SH3PXD2B: variants seen among roughly 807,000 people sequenced by gnomAD.
SH3PXD2B encodes SH3 and PX domains 2B.
In SH3PXD2B, 37 loss-of-function variants were observed where a neutral mutation model predicts 73.1. The ratio of observed to expected loss-of-function variants is 0.51; its 90% CI spans 0.39 to 0.67. The LOEUF (loss-of-function observed/expected upper bound fraction) is 0.67, where lower values mean the gene tolerates loss of function less well. Ranked by LOEUF, SH3PXD2B falls within the 30% of genes least tolerant of loss-of-function variation. SH3PXD2B has a pLI of 0.00. For synonymous variants in SH3PXD2B, 457 were observed against 480.5 expected, an observed-to-expected ratio of 0.95 and a Z score of 0.64; for missense variants, 1,053 against 1,197.8, an observed-to-expected ratio of 0.88 and a Z score of 1.78.
chr5:172,400,537 A>G (rs1165932710), intron 3 of SH3PXD2B, among the ~76,000 whole-genome samples: 2 of 152,174 alleles, frequency 1.3e-5, no homozygotes, highest in African/African-American at 4.8e-5. Context: ...GAACACCCAG[A>G]ACTTTGGAAA....
chr5:172,343,735 G>A (rs1184955614), intron 12 of SH3PXD2B, among the ~76,000 whole-genome samples: 1 of 152,074 alleles, frequency 6.6e-6, no homozygotes, highest in Non-Finnish European at 1.5e-5. Context: ...AACCTAGGAC[G>A]TGGAGGTTGC....
At chr5:172,450,813 C>A (rs1759778439) in intron 1 of SH3PXD2B, among the ~76,000 whole-genome samples, 1 of 152,146 alleles carries the variant, frequency 6.6e-6, no homozygotes, top group South Asian at 2.1e-4. Context: ...ATGTCACCCT[C>A]AAAAGCCCCT....
intron 4 of SH3PXD2B, among the ~76,000 whole-genome samples, chr5:172,391,180 C>T (rs753531568): frequency 2.6e-5 from 4 of 152,034 alleles, no homozygotes; most frequent in African/African-American, 4.8e-5. Context: ...ACTCTATGTT[C>T]TCACCATCAC....
intron 1 of SH3PXD2B, among the ~76,000 whole-genome samples, chr5:172,451,911 C>T (rs958657398): frequency 6.6e-6 from 1 of 152,178 alleles, no homozygotes; most frequent in East Asian, 1.9e-4. Context: ...GCCCATTGCC[C>T]CTCCTCATCT....
intron 8 of SH3PXD2B, among the ~76,000 whole-genome samples, chr5:172,355,121 C>T (rs1757241891): frequency 6.6e-6 from 1 of 152,238 alleles, no homozygotes. Flanking sequence ...TGGTTGAGTG[C>T]CTGAGCCAGC....
intron 6 of SH3PXD2B, among the ~76,000 whole-genome samples, chr5:172,366,290 G>C (rs1436803784): frequency 6.6e-6 from 1 of 152,188 alleles, no homozygotes; most frequent in Admixed American, 6.5e-5. Context: ...GGCCAGGGGA[G>C]GGGAGGGGAG....
At position 172,339,991 on chromosome 5, in the gene SH3PXD2B, T is replaced by C. The variant is rs900365740; in HGVS notation, c.1189-75A>G. 3 of 1,591,658 alleles carry C rather than the reference T, an allele frequency of 1.9e-6. No homozygotes were observed. The highest frequency in any genetic ancestry group is 1.1e-5 in the South Asian group (1 of 88,000). On this transcript the variant is annotated intron_variant, in intron 12 of 12. Coordinates refer to ENST00000311601, the MANE Select transcript of SH3PXD2B (RefSeq NM_001017995.3). The surrounding 1 kb of genome is among the most constrained non-coding windows in gnomAD (Gnocchi z 6.1). ...AGATGGAATGGTTTGGCAGAACCCA[T>C]GTGCAACTGGAGCTCTAGAAGCTGT...
intron 3 of SH3PXD2B, among the ~76,000 whole-genome samples, chr5:172,401,743 C>T (rs1250822527): frequency 1.3e-5 from 2 of 152,214 alleles, no homozygotes; most frequent in Non-Finnish European, 2.9e-5. Context: ...GTCTTTACTG[C>T]AATCTCTGAA....
intron 6 of SH3PXD2B, among the ~76,000 whole-genome samples, chr5:172,367,409 A>G (rs1453506833): frequency 7.1e-6 from 1 of 141,826 alleles, no homozygotes; most frequent in African/African-American, 2.7e-5. Flanking sequence ...TTTTTTTCAA[A>G]TAGATTTGGG....
chr5:172,325,190 A>T, exon 13 of SH3PXD2B: 1 of 894,762 alleles, frequency 1.1e-6, no homozygotes, highest in Non-Finnish European at 1.7e-6. Flanking sequence ...GTTTTGTATT[A>T]CGCATATTTT....
At chr5:172,328,567 T>G (rs1756488822), downstream of SH3PXD2B, among the ~76,000 whole-genome samples, 1 of 152,138 alleles carries the variant, frequency 6.6e-6, no homozygotes, top group African/African-American at 2.4e-5. Context: ...CAGAATTAAC[T>G]GAGAGAGTGG....
Position 172,345,073 on chromosome 5 carries a change from G to GGAAA in SH3PXD2B, c.1188+1062_1188+1063insTTTC, listed in dbSNP as rs1406551121. ...AAACAAAGGAAGGAGGAAGGAGGAA[G>GGAAA]GAAGGAGGGAGGGAAGGAAAGAAGG... is the stretch of plus-strand genomic sequence containing the variant. On this transcript the variant is annotated intron_variant, in intron 12 of 12. Coordinates refer to ENST00000311601, the MANE Select transcript of SH3PXD2B (RefSeq NM_001017995.3). Among the ~76,000 whole-genome samples the GGAAA allele has an allele frequency of 3.9e-3, 578 of 149,626 alleles. 21 individuals carry two copies. Among genetic ancestry groups the GGAAA allele is most frequent in the African/African-American group, 0.013 (539 of 40,200 alleles).
chr5:172,340,460 A>T (rs1756826762), intron 12 of SH3PXD2B, among the ~76,000 whole-genome samples: 1 of 152,108 alleles, frequency 6.6e-6, no homozygotes, highest in East Asian at 1.9e-4. Flanking sequence ...ATTCAGGTGG[A>T]TCAGAGGCAC....
intron 5 of SH3PXD2B, among the ~76,000 whole-genome samples, chr5:172,374,684 G>T (rs190706150): frequency 3.3e-4 from 50 of 152,218 alleles, no homozygotes; most frequent in African/African-American, 9.9e-4. Context: ...CCATCTTGGT[G>T]GGGGGAGTGG....
At chr5:172,340,550 G>T (rs555426532) in intron 12 of SH3PXD2B, among the ~76,000 whole-genome samples, 1 of 152,260 alleles carries the variant, frequency 6.6e-6, no homozygotes, top group East Asian at 1.9e-4. Flanking sequence ...CTGAGCATCG[G>T]ATGAAGAAGT....
chr5:172,411,093 A>G (rs1758680465), intron 2 of SH3PXD2B, among the ~76,000 whole-genome samples: 1 of 152,210 alleles, frequency 6.6e-6, no homozygotes, highest in South Asian at 2.1e-4. Context: ...CAGAGCCATT[A>G]ATCAGTCTCA....
At chr5:172,409,411 A>T (rs1758638463) in intron 2 of SH3PXD2B, among the ~76,000 whole-genome samples, 4 of 151,998 alleles carry the variant, frequency 2.6e-5, no homozygotes. Flanking sequence ...AAAACACTCA[A>T]AACACTAGAA....
At chr5:172,373,267 C>T (rs1449139778) in intron 6 of SH3PXD2B, among the ~76,000 whole-genome samples, 2 of 152,246 alleles carry the variant, frequency 1.3e-5, no homozygotes, top group South Asian at 2.1e-4. Flanking sequence ...CCCCTCAGCC[C>T]GGGATGCCCC....
intron 5 of SH3PXD2B, among the ~76,000 whole-genome samples, chr5:172,376,047 TGAG>T (rs1757815141): frequency 5.3e-5 from 8 of 150,442 alleles, no homozygotes; most frequent in Admixed American, 4.6e-4. Flanking sequence ...TTTTTTTTTT[TGAG>T]GTGGAGTCTC....
Sources: allele counts gnomAD v4.1 joint callset (sites outside exome capture counted in the v4.1 genomes callset), GRCh38; gene constraint gnomAD v4.1.1; non-coding constraint Gnocchi (gnomAD v3.1); transcripts MANE v1.5; gene names NCBI Gene and HGNC (gene_info 2026-07-23, HGNC 2026-07-21).